Variants in EWSR1 observed in about 807,000 individuals in gnomAD.
The protein encoded by EWSR1 is RNA-binding protein EWS.
EWSR1 carries 14 observed loss-of-function variants against 92.1 expected under a neutral mutation model. The ratio of observed to expected loss-of-function variants is 0.15; its 90% CI spans 0.10 to 0.24. The LOEUF is 0.24. Ranked by LOEUF, EWSR1 falls within the 10% of genes least tolerant of loss-of-function variation. The pLI, the probability that EWSR1 is intolerant of heterozygous loss-of-function variation, is 1.00. For synonymous variants in EWSR1, 303 were observed against 292.9 expected (o/e 1.03, Z -0.35); for missense variants, 637 against 870.9 (o/e 0.73, Z 3.38).
rs778130614 is a variant in EWSR1 at position 29,278,041 on chromosome 22, C to A, written c.238C>A (p.Pro80Thr). 64 of 1,613,630 alleles carry A rather than the reference C, an allele frequency of 4.0e-5. No individual in the cohort carries two copies. Among genetic ancestry groups the A allele is most frequent in the Middle Eastern group, 1.6e-4 (1 of 6,078 alleles). The change falls in exon 5 of 17, where the codon CCA (proline) becomes ACA (threonine). Residue 80 changes from proline (P) to threonine (T), a missense_variant. Coordinates refer to ENST00000397938, the MANE Select transcript of EWSR1 (RefSeq NM_005243.4). Reference protein sequence around the residue: ...YGQPPTGYTTPTAPQAYSQPV... With the variant: ...YGQPPTGYTTTTAPQAYSQPV... ...CTCCTTTGTTCTAGGTTATACTACT[C>A]CAACTGCCCCCCAGGCATACAGCCA...
At chr22:29,279,492 C>T (rs1219157177) in intron 5 of EWSR1, among the ~76,000 whole-genome samples, 1 of 152,012 alleles carries the variant, frequency 6.6e-6, no homozygotes, top group Non-Finnish European at 1.5e-5. Flanking sequence ...GAGCAGAGCT[C>T]ATACCCCATG....
rs781439045 is a variant in EWSR1 at position 29,296,350 on chromosome 22, G to T, written c.1276G>T (p.Ala426Ser). The change falls in exon 12 of 17, where the codon GCC (alanine) becomes TCC (serine). Residue 426 changes from alanine (A) to serine (S), a missense_variant. By Grantham distance (99) the Ala-to-Ser change is moderately conservative (BLOSUM62 1). Around this residue, in one of 5 missense-constraint regions of EWSR1, gnomAD observed 363 missense variants for 447.8 expected, o/e 0.81. Coordinates refer to ENST00000397938, the MANE Select transcript of EWSR1 (RefSeq NM_005243.4). ...SYEDPPTAKA[A>S]VEWFDGKDFQ... ...TGAAGACCCACCCACTGCCAAGGCT[G>T]CCGTGGAATGGTTTGATGGTGAGAT... 21 of 1,614,018 alleles carry T rather than the reference G, an allele frequency of 1.3e-5. No individual in the cohort carries two copies. Among genetic ancestry groups the T allele is most frequent in the Non-Finnish European group, 1.7e-5 (20 of 1,179,998 alleles).
rs1430292113 is a variant in EWSR1, at chr22:29,299,740, G to A, written c.1820G>A (p.Arg607Gln). The change falls in exon 16 of 17, where the codon CGA becomes CAA. Residue 607 changes from arginine (R) to glutamine (Q), a missense_variant. Physicochemically the swap from Arg to Gln is conservative, Grantham distance 43. Around this residue, in one of 5 missense-constraint regions of EWSR1, gnomAD observed 363 missense variants for 447.8 expected, o/e 0.81. Transcript: ENST00000397938. ...TTCCGTGGTGGCCGGGGCATGGACC[G>A]AGGTGGCTTTGGTGGAGGAAGACGA... ...GGFRGGRGMD[R>Q]GGFGGGRRGG... 5.0e-6 allele frequency: 8 copies of A among 1,610,930 alleles called. No individual in the cohort carries two copies. The highest frequency in any genetic ancestry group is 3.3e-5 in the South Asian group (3 of 90,666).
At chr22:29,299,395 G>C in intron 15 of EWSR1, 64 bp downstream of exon 15, 1 of 1,561,966 alleles carries the variant, frequency 6.4e-7, no homozygotes, top group East Asian at 2.3e-5. Context: ...TCTTATTTGT[G>C]GGCTTGGTAA....
intron 11 of EWSR1, 119 bp downstream of exon 11, chr22:29,292,725 G>A (rs528075252): frequency 1.7e-6 from 1 of 575,668 alleles, no homozygotes; most frequent in Non-Finnish European, 3.1e-6. Flanking sequence ...TTCTTTCTAG[G>A]TATCTTATGG....
Position 29,268,347 on chromosome 22 carries a change from C to A in EWSR1, c.11C>A (p.Thr4Lys). The change falls in exon 1 of 17, where the codon ACG (threonine) becomes AAG (lysine). Residue 4 changes from threonine to lysine, a missense_variant and splice_region_variant. Around this residue, in one of 5 missense-constraint regions of EWSR1, gnomAD observed 144 missense variants for 189.0 expected, o/e 0.76. Transcript: ENST00000397938. ...GAGGAAGGAGAGAAAATGGCGTCCA[C>A]GGGTGAGTATGGTGGAACTGCGGTC... MAS[T>K]DYSTYSQAAA... 1 of 1,614,110 alleles carries A rather than the reference C, an allele frequency of 6.2e-7. No homozygotes were observed. Among genetic ancestry groups the A allele is most frequent in the Non-Finnish European group, 8.5e-7 (1 of 1,179,984 alleles).
chr22:29,276,533 A>G (rs1602248586), intron 4 of EWSR1: 1 of 224,886 alleles, frequency 4.4e-6, no homozygotes, highest in East Asian at 6.5e-5. Context: ...TGGCCAGTAC[A>G]TGAGGACACT....
At chr22:29,288,260 GCT>G in intron 7 of EWSR1, among the ~76,000 whole-genome samples, 1 of 152,278 alleles carries the variant, frequency 6.6e-6, no homozygotes, top group African/African-American at 2.4e-5. Context: ...AAGAAACCTG[GCT>G]CTGTTTTCAT....
chr22:29,299,824 G>A lies in EWSR1; in HGVS notation c.1904G>A (p.Gly635Glu), dbSNP rs2061198086. ...GAACAGATGGGAGGAAGAAGAGGAG[G>A]ACGTGGAGGACCTGGAAAAATGGAT... ...LMEQMGGRRG[G>E]RGGPGKMDKG... Residue 635 changes from glycine (G) to glutamate (E), a missense_variant, in exon 16 of 17, where the codon GGA becomes GAA. Physicochemically the swap from Gly to Glu is moderately conservative, Grantham distance 98. Coordinates refer to ENST00000397938, the MANE Select transcript of EWSR1 (RefSeq NM_005243.4). The A allele has an allele frequency of 1.3e-6, 2 of 1,555,366 alleles. No homozygotes were observed. The highest frequency in any genetic ancestry group is 1.7e-6 in the Non-Finnish European group (2 of 1,149,060).
At chr22:29,268,620 G>GTCC (rs1245614149) in intron 1 of EWSR1, among the ~76,000 whole-genome samples, 1 of 152,162 alleles carries the variant, frequency 6.6e-6, no homozygotes, top group Non-Finnish European at 1.5e-5. Context: ...TTGTGTGGCG[G>GTCC]TCCTCGCGCC....
At chr22:29,284,860 C>G (rs1167739672) in intron 6 of EWSR1, among the ~76,000 whole-genome samples, 1 of 151,230 alleles carries the variant, frequency 6.6e-6, no homozygotes, top group East Asian at 1.9e-4. Context: ...ACTCCTGTTA[C>G]CTAGGCTGGA....
intron 13 of EWSR1, among the ~76,000 whole-genome samples, 162 bp from the exon 14 acceptor site, chr22:29,298,571 C>T (rs1468746907): frequency 6.6e-6 from 1 of 151,770 alleles, no homozygotes; most frequent in Non-Finnish European, 1.5e-5. Context: ...ACGCTCCTCA[C>T]AGGGAAGGGG....
intron 4 of EWSR1, chr22:29,277,828 T>TA: frequency 1.8e-6 from 1 of 551,000 alleles, no homozygotes. Flanking sequence ...ATGAGACAGT[T>TA]ACTTTACCAA....
In EWSR1 at chr22:29,268,320, A is replaced by G. The variant is rs776222972; in HGVS notation, c.-17A>G. 1.1e-5 allele frequency: 17 copies of G among 1,613,856 alleles called. No individual in the cohort carries two copies. The highest frequency in any genetic ancestry group is 2.2e-5 in the South Asian group (2 of 91,084). ...GAGGGAGACGGACGTTGAGAGAACG[A>G]GGAGGAAGGAGAGAAAATGGCGTCC... On this transcript the variant is annotated 5_prime_UTR_variant, in exon 1 of 17. Transcript: ENST00000397938.
chr22:29,277,927 C>A, intron 4 of EWSR1, 103 bp from the exon 5 acceptor site: 1 of 1,002,040 alleles, frequency 1.0e-6, no homozygotes, highest in Non-Finnish European at 1.5e-6. Context: ...GATTCAATAT[C>A]CTGATGGTTT....
chr22:29,280,884 TTTTTTTTTTTTTTTTG>T, intron 5 of EWSR1, among the ~76,000 whole-genome samples: 2 of 120,484 alleles, frequency 1.7e-5, no homozygotes, highest in Admixed American at 8.7e-5. Context: ...TTTTTTTTTT[TTTTTTTTTTTTTTTTG>T]ACAGAGTCTT....
intron 11 of EWSR1, among the ~76,000 whole-genome samples, chr22:29,293,763 T>C (rs745968342): frequency 2.0e-5 from 3 of 152,050 alleles, no homozygotes; most frequent in African/African-American, 4.8e-5. Flanking sequence ...TGGGGTTTGG[T>C]GAAACCATGT....
rs1467534997 is a variant in EWSR1, at chr22:29,292,737, T to G, written c.1164+131T>G. 2.1e-5 allele frequency: 12 copies of G among 568,436 alleles called. No homozygotes were observed. The Admixed American group carries it at 3.3e-4, about 16-fold the overall frequency. 35.2% of individuals were successfully genotyped at this position (568,436 alleles called of 1,614,324 possible). On this transcript the variant is annotated intron_variant, in intron 11 of 16. Coordinates refer to ENST00000397938, the MANE Select transcript of EWSR1 (RefSeq NM_005243.4). ...GACTTCTTTCTAGGTATCTTATGGTTTGTTCCTTTTTAAAAAAGATTAGCC... is the reference window on the plus strand; with the variant it reads ...GACTTCTTTCTAGGTATCTTATGGTGTGTTCCTTTTTAAAAAAGATTAGCC...
At chr22:29,272,317 A>T in intron 2 of EWSR1, 63 bp from the exon 3 acceptor site, 1 of 1,610,820 alleles carries the variant, frequency 6.2e-7, no homozygotes, top group Non-Finnish European at 8.5e-7. Context: ...GGAGCCTTCT[A>T]TAATTGTAGA....
Sources: gnomAD v4.1 joint callset for allele counts (sites outside exome capture counted in the v4.1 genomes callset) on GRCh38, gnomAD v4.1.1 for gene constraint, gnomAD v4.1.1 regional missense constraint, MANE v1.5 for transcripts, NCBI Gene and HGNC (gene_info 2026-07-23, HGNC 2026-07-21) for gene names.